CSMD1: variants seen among roughly 807,000 people sequenced by gnomAD.
CSMD1 encodes the protein CUB and Sushi multiple domains 1.
In CSMD1, 213 loss-of-function variants were observed where a neutral mutation model predicts 417.5. The ratio of observed to expected loss-of-function variants is 0.51; its 90% confidence interval spans 0.46 to 0.57. CSMD1 has a LOEUF of 0.57. Among genes scored for constraint, CSMD1 ranks in the 20% least tolerant of loss-of-function variants. CSMD1 has a pLI of 0.00. For missense variants in CSMD1, 6,923 were observed against 4,529.7 expected (o/e 1.53, Z -15.17); for synonymous variants, 2,862 against 1,736.8 (o/e 1.65, Z -16.11).
intron 7 of CSMD1, among the ~76,000 whole-genome samples, chr8:3,673,317 C>G (rs578041903): frequency 6.6e-6 from 1 of 152,148 alleles, no homozygotes; most frequent in South Asian, 2.1e-4. Context: ...AACAGGTAAA[C>G]TGAAAATTCA....
intron 52 of CSMD1, among the ~76,000 whole-genome samples, chr8:3,012,272 G>A (rs1039185914): frequency 1.3e-5 from 2 of 152,172 alleles, no homozygotes; most frequent in Admixed American, 6.5e-5. Flanking sequence ...CATGGATTGA[G>A]TTCTTGAATA....
At chr8:3,593,678 A>G (rs1445724047) in intron 8 of CSMD1, among the ~76,000 whole-genome samples, 2 of 152,222 alleles carry the variant, frequency 1.3e-5, no homozygotes, top group Non-Finnish European at 2.9e-5. Context: ...GAAATTACCA[A>G]TCACAGTACA....
intron 6 of CSMD1, among the ~76,000 whole-genome samples, chr8:3,732,037 T>C (rs1038689370): frequency 8.0e-6 from 1 of 124,498 alleles, no homozygotes; most frequent in Non-Finnish European, 2.0e-5. Context: ...CTCCACATTT[T>C]TTAGACAAAA....
intron 3 of CSMD1, among the ~76,000 whole-genome samples, chr8:4,046,268 A>C (rs1798141943): frequency 1.3e-5 from 2 of 152,138 alleles, no homozygotes; most frequent in Non-Finnish European, 2.9e-5. Context: ...TAATTATTGA[A>C]TTCTTGGCTG....
chr8:3,313,869 C>G (rs936086357), intron 23 of CSMD1, among the ~76,000 whole-genome samples: 21 of 152,142 alleles, frequency 1.4e-4, no homozygotes, highest in African/African-American at 3.9e-4. Context: ...TGGAACCAAC[C>G]CAAATGTCCA....
intron 3 of CSMD1, among the ~76,000 whole-genome samples, chr8:4,146,495 A>G (rs902671985): frequency 6.7e-6 from 1 of 149,048 alleles, no homozygotes; most frequent in Non-Finnish European, 1.5e-5. Flanking sequence ...CCAGTTCCTC[A>G]GACGTTGTGA....
intron 3 of CSMD1, among the ~76,000 whole-genome samples, chr8:4,181,544 A>G (rs540207275): frequency 1.3e-5 from 2 of 152,146 alleles, no homozygotes; most frequent in East Asian, 3.9e-4. Flanking sequence ...AAAGTTTATG[A>G]ATTTGTGTTT....
intron 1 of CSMD1, among the ~76,000 whole-genome samples, chr8:4,731,622 G>A (rs893848671): frequency 6.6e-6 from 1 of 152,130 alleles, no homozygotes; most frequent in Admixed American, 6.6e-5. Context: ...ACCCATCCCT[G>A]CACTCCAGGA....
At chr8:3,232,863 T>C (rs1359592578) in intron 26 of CSMD1, among the ~76,000 whole-genome samples, 1 of 152,162 alleles carries the variant, frequency 6.6e-6, no homozygotes, top group Non-Finnish European at 1.5e-5. Flanking sequence ...TGTATTTAGT[T>C]GTAATAGTCT....
chr8:4,089,156 G>C (rs1004560645), intron 3 of CSMD1, among the ~76,000 whole-genome samples: 1 of 152,182 alleles, frequency 6.6e-6, no homozygotes, highest in Admixed American at 6.5e-5. Flanking sequence ...TGCTTGGCAA[G>C]ACATTCCCCA....
chr8:3,306,423 C>G (rs1279537069), intron 25 of CSMD1, among the ~76,000 whole-genome samples: 1 of 152,202 alleles, frequency 6.6e-6, no homozygotes, highest in Non-Finnish European at 1.5e-5. Flanking sequence ...ATCCACCCAC[C>G]TCGGCCTCCC....
At chr8:3,035,166 G>A (rs1810590153) in intron 50 of CSMD1, among the ~76,000 whole-genome samples, 1 of 152,096 alleles carries the variant, frequency 6.6e-6, no homozygotes, top group African/African-American at 2.4e-5. Context: ...TCTCTCCTAA[G>A]ATACAGGGCT....
At chr8:3,884,567 T>A (rs577448632) in intron 5 of CSMD1, among the ~76,000 whole-genome samples, 1 of 152,168 alleles carries the variant, frequency 6.6e-6, no homozygotes, top group Non-Finnish European at 1.5e-5. Context: ...GGGTGTGGAA[T>A]TGCACACATA....
At chr8:4,934,858 TAACTA>T (rs778873059) in intron 1 of CSMD1, among the ~76,000 whole-genome samples, 1 of 152,162 alleles carries the variant, frequency 6.6e-6, no homozygotes, top group Non-Finnish European at 1.5e-5. Flanking sequence ...ATCAATCATC[TAACTA>T]TACTACATCA....
chr8:4,329,913 A>G (rs367565283), intron 3 of CSMD1, among the ~76,000 whole-genome samples: 1 of 151,948 alleles, frequency 6.6e-6, no homozygotes, highest in Non-Finnish European at 1.5e-5. Flanking sequence ...TGCTCTGGCC[A>G]TGTGAGGTGT....
At chr8:4,430,309 A>G (rs1220065058) in intron 2 of CSMD1, among the ~76,000 whole-genome samples, 1 of 152,136 alleles carries the variant, frequency 6.6e-6, no homozygotes. Context: ...CAGTTAAACC[A>G]CTGCATATTG....
At chr8:3,282,740 G>T (rs1358268547) in intron 26 of CSMD1, among the ~76,000 whole-genome samples, 1 of 152,078 alleles carries the variant, frequency 6.6e-6, no homozygotes, top group Non-Finnish European at 1.5e-5. Context: ...AAGAAATTGT[G>T]CAGACTATAA....
At chr8:4,904,043 G>T (rs910791882) in intron 1 of CSMD1, among the ~76,000 whole-genome samples, 1 of 151,986 alleles carries the variant, frequency 6.6e-6, no homozygotes, top group South Asian at 2.1e-4. Context: ...TGGAGGACTG[G>T]CATTAGTGTA....
At chr8:4,316,982 C>A (rs1275031806) in intron 3 of CSMD1, among the ~76,000 whole-genome samples, 1 of 152,042 alleles carries the variant, frequency 6.6e-6, no homozygotes, top group East Asian at 1.9e-4. Context: ...TAAATACAAT[C>A]GACTCTTATT....
Sources: allele counts gnomAD v4.1 joint callset (sites outside exome capture counted in the v4.1 genomes callset), GRCh38; gene constraint gnomAD v4.1.1; transcripts MANE v1.5; gene names NCBI Gene and HGNC (gene_info 2026-07-23, HGNC 2026-07-21).